ROBO1: variants seen among roughly 807,000 people sequenced by gnomAD.
ROBO1 encodes roundabout guidance receptor 1.
ROBO1 carries 149 observed loss-of-function variants against 195.9 expected under a neutral mutation model. The ratio of observed to expected loss-of-function variants is 0.76; its 90% CI spans 0.67 to 0.87. ROBO1 has a LOEUF of 0.87. Ranked by LOEUF, ROBO1 falls within the 40% of genes least tolerant of loss-of-function variation. The probability of loss-of-function intolerance (pLI) is 0.00; values close to 1 mark genes in which losing one functional copy is unlikely to be tolerated. For missense variants in ROBO1, 1,933 were observed against 2,068.3 expected (o/e 0.93, Z 1.27); for synonymous variants, 816 against 733.2 (o/e 1.11, Z -1.82).
At chr3:78,961,417 A>G (rs2041341849) in intron 3 of ROBO1, among the ~76,000 whole-genome samples, 1 of 152,224 alleles carries the variant, frequency 6.6e-6, no homozygotes, top group African/African-American at 2.4e-5. Context: ...GTAAGAACAA[A>G]TGGAGCTTTC....
intron 2 of ROBO1, among the ~76,000 whole-genome samples, chr3:79,584,696 T>C (rs9871796): frequency 0.55 from 80,040 of 146,780 alleles, 22,428 homozygotes; most frequent in African/African-American, 0.67. Context: ...CACATACACA[T>C]GCAATGTGAT....
chr3:79,116,312 T>TC (rs1305772800), intron 3 of ROBO1, among the ~76,000 whole-genome samples: 1 of 151,746 alleles, frequency 6.6e-6, no homozygotes, highest in East Asian at 1.9e-4. Flanking sequence ...CTTTCCTTCC[T>TC]TCCTTTTCTT....
intron 1 of ROBO1, among the ~76,000 whole-genome samples, chr3:79,708,406 C>A (rs542181530): frequency 1.3e-5 from 2 of 152,262 alleles, no homozygotes; most frequent in East Asian, 1.9e-4. Flanking sequence ...TATGAAGGTG[C>A]CTCTGCCACA....
Position 78,924,167 on chromosome 3 carries a change from G to A in ROBO1, c.499+14434C>T, listed in dbSNP as rs2039089107. On this transcript the variant is annotated intron_variant, in intron 4 of 30. Transcript: ENST00000464233. Reference sequence around the variant, plus strand: ...GAATAATAAAAAAGTGAATAATTAGGAAGACATTTATACCAAGCTATCTAA... The same window carrying A: ...GAATAATAAAAAAGTGAATAATTAGAAAGACATTTATACCAAGCTATCTAA... Among the ~76,000 whole-genome samples the A allele has an allele frequency of 2.0e-5, 3 of 151,962 alleles. No homozygotes were observed. In the South Asian group the frequency reaches 6.3e-4, roughly 32 times the overall value.
At chr3:79,510,085 T>A (rs930896398) in intron 2 of ROBO1, among the ~76,000 whole-genome samples, 1 of 152,040 alleles carries the variant, frequency 6.6e-6, no homozygotes, top group Non-Finnish European at 1.5e-5. Flanking sequence ...TACTTAAGAA[T>A]GTATATCTAG....
chr3:79,119,841 G>A (rs1435064903), intron 3 of ROBO1, among the ~76,000 whole-genome samples: 5 of 151,700 alleles, frequency 3.3e-5, no homozygotes, highest in Admixed American at 6.6e-5. Flanking sequence ...CATGATCTCA[G>A]CTCACTACAA....
intron 4 of ROBO1, among the ~76,000 whole-genome samples, chr3:78,868,733 G>T (rs331145): frequency 2.6e-4 from 39 of 151,950 alleles, no homozygotes; most frequent in Non-Finnish European, 8.8e-5. Flanking sequence ...AGCATAAAAG[G>T]GGAAAAAAAC....
chr3:79,281,118 C>T (rs1486701113), intron 2 of ROBO1, among the ~76,000 whole-genome samples: 1 of 152,164 alleles, frequency 6.6e-6, no homozygotes, highest in East Asian at 1.9e-4. Context: ...AAGATTAAAT[C>T]AATGCTACTT....
At chr3:79,119,693 A>T (rs1415086883) in intron 3 of ROBO1, among the ~76,000 whole-genome samples, 1 of 152,144 alleles carries the variant, frequency 6.6e-6, no homozygotes, top group Non-Finnish European at 1.5e-5. Context: ...TTATGCATAA[A>T]TTAGTAATCC....
intron 1 of ROBO1, among the ~76,000 whole-genome samples, chr3:79,630,791 C>G (rs1230951244): frequency 6.6e-6 from 1 of 151,934 alleles, no homozygotes; most frequent in East Asian, 1.9e-4. Flanking sequence ...TTTCATGATA[C>G]AAAATCAACA....
rs113521947 is a variant in ROBO1, at chr3:78,878,118, G to A, written c.499+60483C>T. On this transcript the variant is annotated intron_variant, in intron 4 of 30. Transcript: ENST00000464233. ...ATGATAGTACTTTAGGAATGCTCTTGTTTAAAATACCAAGAACCCAACAAT... is the reference window on the plus strand; with the variant it reads ...ATGATAGTACTTTAGGAATGCTCTTATTTAAAATACCAAGAACCCAACAAT... Among the ~76,000 whole-genome samples the A allele has an allele frequency of 8.7e-3, 1,320 of 152,112 alleles. 24 individuals are homozygous for A. Among genetic ancestry groups the A allele is most frequent in the African/African-American group, 0.028 (1,143 of 41,500 alleles).
At chr3:79,253,091 T>G (rs2082762804) in intron 2 of ROBO1, among the ~76,000 whole-genome samples, 1 of 152,206 alleles carries the variant, frequency 6.6e-6, no homozygotes, top group Non-Finnish European at 1.5e-5. Flanking sequence ...TATACTTTTG[T>G]TTTTATCTAT....
chr3:79,639,632 T>C (rs1339956289), intron 1 of ROBO1, among the ~76,000 whole-genome samples: 1 of 152,204 alleles, frequency 6.6e-6, no homozygotes, highest in Non-Finnish European at 1.5e-5. Flanking sequence ...CCAAATATTC[T>C]AGTTTTATTA....
At position 79,152,624 on chromosome 3, in the gene ROBO1, A is replaced by T. The variant is rs539068444; in HGVS notation, c.89-27085T>A. 4.9e-4 allele frequency among the ~76,000 whole-genome samples: 74 copies of T among 151,988 alleles called. No homozygotes were observed. In the South Asian group the frequency reaches 5.4e-3, roughly 11 times the overall value. ...ACTATTTATTGTACTTCTATTACAA[A>T]GTCAAATCACAAAAACGAATAATAT... is the stretch of plus-strand genomic sequence containing the variant. On this transcript the variant is annotated intron_variant, in intron 2 of 30. Coordinates refer to ENST00000464233, the MANE Select transcript of ROBO1 (RefSeq NM_002941.4).
At chr3:78,641,734 C>CT (rs1705968336) in intron 21 of ROBO1, among the ~76,000 whole-genome samples, 1 of 152,148 alleles carries the variant, frequency 6.6e-6, no homozygotes, top group Admixed American at 6.6e-5. Flanking sequence ...TTTCCACAGA[C>CT]TGACTTACAT....
chr3:78,652,506 A>G (rs1706733603), intron 18 of ROBO1, among the ~76,000 whole-genome samples: 1 of 152,144 alleles, frequency 6.6e-6, no homozygotes, highest in African/African-American at 2.4e-5. Context: ...ATATTGTAAG[A>G]CATTTCATTG....
Position 78,746,731 on chromosome 3 carries a change from T to C in ROBO1, c.657+12A>G. 1 of 1,469,164 alleles carries C rather than the reference T, an allele frequency of 6.8e-7. No homozygotes were observed. The highest frequency in any genetic ancestry group is 9.1e-7 in the Non-Finnish European group (1 of 1,093,798). The allele number at this position is 1,469,164 out of a possible 1,614,324, so 91.0% of individuals were successfully genotyped here. A position where few individuals can be genotyped will look rare whatever the true frequency, so the allele number is the denominator to read the frequency against. On this transcript the variant is annotated intron_variant, in intron 5 of 30. Coordinates refer to ENST00000464233, the MANE Select transcript of ROBO1 (RefSeq NM_002941.4). Reference sequence around the variant, plus strand: ...CCAACAAATGTCCTCTGCTGTTGAATTAAATACTCACAGTTATTCTTTCAT... The same window carrying C: ...CCAACAAATGTCCTCTGCTGTTGAACTAAATACTCACAGTTATTCTTTCAT...
chr3:78,921,974 A>G (rs2107601537), intron 4 of ROBO1, among the ~76,000 whole-genome samples: 1 of 152,030 alleles, frequency 6.6e-6, no homozygotes, highest in South Asian at 2.1e-4. Context: ...TTTAGTAGAG[A>G]TGGGTTTTTC....
intron 2 of ROBO1, among the ~76,000 whole-genome samples, chr3:79,558,023 T>A (rs1376740842): frequency 6.6e-6 from 1 of 152,136 alleles, no homozygotes; most frequent in East Asian, 1.9e-4. Flanking sequence ...TGTACAATAA[T>A]CAGCCTGAAT....
Sources: allele counts gnomAD v4.1 joint callset (sites outside exome capture counted in the v4.1 genomes callset), GRCh38; gene constraint gnomAD v4.1.1; transcripts MANE v1.5; gene names NCBI Gene and HGNC (gene_info 2026-07-23, HGNC 2026-07-21).